LRP2: variants seen among roughly 807,000 people sequenced by gnomAD.
LRP2 encodes low-density lipoprotein receptor-related protein 2.
A neutral mutation model predicts 531.0 loss-of-function variants in LRP2; 172 were observed. The observed-to-expected ratio is 0.32, with a 90% confidence interval of 0.29 to 0.37. The LOEUF is 0.37. Among genes scored for constraint, LRP2 ranks in the 10% least tolerant of loss-of-function variants. The probability of loss-of-function intolerance (pLI) is 1.00; values close to 1 mark genes in which losing one functional copy is unlikely to be tolerated. For missense variants in LRP2, 5,167 were observed against 5,868.3 expected (o/e 0.88, Z 3.90); for synonymous variants, 1,992 against 2,027.6 (o/e 0.98, Z 0.47).
chr2:169,232,736 C>T (rs751697146), intron 30 of LRP2, among the ~76,000 whole-genome samples: 50 of 152,110 alleles, frequency 3.3e-4, no homozygotes, highest in Non-Finnish European at 4.3e-4. Context: ...GAAGAGCTAG[C>T]GCAGAAGCTG....
At chr2:169,345,745 G>A (rs1313900854) in intron 1 of LRP2, among the ~76,000 whole-genome samples, 2 of 128,542 alleles carry the variant, frequency 1.6e-5, no homozygotes, top group Non-Finnish European at 3.2e-5. Flanking sequence ...AAGGAAAAGA[G>A]GGGGCGGTCA....
chr2:169,177,486 T>C (rs905053454), intron 53 of LRP2, among the ~76,000 whole-genome samples: 1 of 152,070 alleles, frequency 6.6e-6, no homozygotes, highest in African/African-American at 2.4e-5. Flanking sequence ...ACTTCAGTCT[T>C]CCCATAGAAA....
intron 1 of LRP2, among the ~76,000 whole-genome samples, chr2:169,344,246 T>C (rs1685639915): frequency 6.6e-6 from 1 of 152,144 alleles, no homozygotes; most frequent in African/African-American, 2.4e-5. Flanking sequence ...ACTAGGTATT[T>C]CTCCTAATGC....
At chr2:169,166,310 T>A (rs1686782404) in intron 61 of LRP2, among the ~76,000 whole-genome samples, 1 of 152,198 alleles carries the variant, frequency 6.6e-6, no homozygotes, top group Non-Finnish European at 1.5e-5. Context: ...GAAACAGGCT[T>A]TTCAAATTAA....
intron 69 of LRP2, 78 bp from the exon 70 acceptor site, chr2:169,146,001 G>T: frequency 8.0e-7 from 1 of 1,254,218 alleles, no homozygotes; most frequent in Non-Finnish European, 1.2e-6. Context: ...GCCACTTCTA[G>T]ATCTGATGTC....
In LRP2 at chr2:169,140,521, G is replaced by T. The variant is rs746070288; in HGVS notation, c.13133C>A (p.Pro4378His). ...TCCGTGCATGCACCTGCATGGGGGGGGCAGGTTGATAGGCAGTTCGATGGC... is the reference window on the plus strand; with the variant it reads ...TCCGTGCATGCACCTGCATGGGGGGTGCAGGTTGATAGGCAGTTCGATGGC... ...DAAIELPINL[P>H]PPCRCMHGGN... is the part of the protein sequence containing the mutation. The change falls in exon 72 of 79, where the codon CCC becomes CAC. Residue 4378 changes from proline to histidine, a missense_variant. By Grantham distance (77) the Pro-to-His change is moderately conservative. Around this residue, in one of 6 missense-constraint regions of LRP2, gnomAD observed 348 missense variants for 369.3 expected, o/e 0.94. Transcript: ENST00000649046. The T allele has an allele frequency of 1.1e-5, 17 of 1,613,840 alleles. No homozygotes were observed. The highest frequency in any genetic ancestry group is 2.7e-5 in the African/African-American group (2 of 74,900).
intron 1 of LRP2, among the ~76,000 whole-genome samples, chr2:169,323,416 A>G (rs1247461051): frequency 6.6e-6 from 1 of 152,220 alleles, no homozygotes; most frequent in Non-Finnish European, 1.5e-5. Flanking sequence ...TCTCTCATAA[A>G]GGGAATATGT....
At chr2:169,256,547 G>C (rs563603446) in intron 18 of LRP2, among the ~76,000 whole-genome samples, 2 of 152,052 alleles carry the variant, frequency 1.3e-5, no homozygotes, top group African/African-American at 4.8e-5. Context: ...ATGTTTAAAA[G>C]GTGAAATATA....
At chr2:169,319,976 C>T (rs997949065) in intron 2 of LRP2, among the ~76,000 whole-genome samples, 1 of 152,170 alleles carries the variant, frequency 6.6e-6, no homozygotes, top group Non-Finnish European at 1.5e-5. Context: ...AAATTTTTCA[C>T]CTGCTTTCCT....
chr2:169,186,190 A>G (rs977455100), intron 49 of LRP2, among the ~76,000 whole-genome samples, 171 bp from the exon 50 acceptor site: 4 of 152,164 alleles, frequency 2.6e-5, no homozygotes, highest in African/African-American at 9.7e-5. Context: ...CTATTTTTCA[A>G]CTTCCTCACC....
At chr2:169,148,297 T>A (rs906371452) in intron 68 of LRP2, among the ~76,000 whole-genome samples, 1 of 152,198 alleles carries the variant, frequency 6.6e-6, no homozygotes, top group African/African-American at 2.4e-5. Flanking sequence ...GATTAGCAGG[T>A]ACTGAGGGCA....
chr2:169,168,262 CT>C (rs1686861905), intron 61 of LRP2, among the ~76,000 whole-genome samples: 1 of 151,590 alleles, frequency 6.6e-6, no homozygotes, highest in Non-Finnish European at 1.5e-5. Context: ...ACAGACCTGC[CT>C]TTATTTATGC....
intron 63 of LRP2, among the ~76,000 whole-genome samples, chr2:169,160,969 C>T (rs1378199998): frequency 6.6e-6 from 1 of 152,178 alleles, no homozygotes; most frequent in East Asian, 1.9e-4. Flanking sequence ...ATAGAAAATC[C>T]TTTGGATGCC....
rs1443443498 is a variant in LRP2 at position 169,185,487 on chromosome 2, A to G, written c.9845+16T>C. 1 of 1,612,250 alleles carries G rather than the reference A, an allele frequency of 6.2e-7. No individual in the cohort carries two copies. The highest frequency in any genetic ancestry group is 1.7e-5 in the Admixed American group (1 of 60,002). On this transcript the variant is annotated intron_variant, in intron 50 of 78. Coordinates refer to ENST00000649046, the MANE Select transcript of LRP2 (RefSeq NM_004525.3). ...TTAATTTTTAACTTTTAAAAAGCTC[A>G]TCAGTGTTTTCTTACCTGGAAACCC...
chr2:169,267,452 C>T (rs1238316825), intron 16 of LRP2, among the ~76,000 whole-genome samples: 1 of 152,170 alleles, frequency 6.6e-6, no homozygotes, highest in African/African-American at 2.4e-5. Flanking sequence ...TCCAGAAACT[C>T]ACTCAAAACC....
At chr2:169,220,302 T>A (rs887897010) in intron 34 of LRP2, 152 bp downstream of exon 34, 1 of 691,886 alleles carries the variant, frequency 1.4e-6, no homozygotes, top group Non-Finnish European at 2.6e-6. Flanking sequence ...AGGTCAGAGC[T>A]ATTTCTCTTT....
chr2:169,137,604 A>T, intron 75 of LRP2, 111 bp from the exon 76 acceptor site: 46 of 515,888 alleles, frequency 8.9e-5, no homozygotes, highest in East Asian at 1.5e-4. Context: ...TCACACCTGG[A>T]GGTACGCTAG....
In LRP2 at chr2:169,247,015, G is replaced by T. The variant is rs376508128; in HGVS notation, c.2909-29C>A. ...CAAAAGCAAAGCCCCGAGGGAGTCA[G>T]TCATGTACATTTTCACTAGGTAGGT... On this transcript the variant is annotated intron_variant, in intron 20 of 78. Transcript: ENST00000649046. 85 of 1,612,396 alleles carry T rather than the reference G, an allele frequency of 5.3e-5. No individual in the cohort carries two copies. The African/African-American group carries it at 1.0e-3, about 19-fold the overall frequency.
At chr2:169,204,400 T>C (rs952859119) in intron 41 of LRP2, 129 bp from the exon 42 acceptor site, 5 of 850,104 alleles carry the variant, frequency 5.9e-6, no homozygotes, top group Middle Eastern at 3.3e-4. Flanking sequence ...ATGGGGCATA[T>C]GGCAGCTGGA....
Sources: gnomAD v4.1 joint callset for allele counts (sites outside exome capture counted in the v4.1 genomes callset) on GRCh38, gnomAD v4.1.1 for gene constraint, gnomAD v4.1.1 regional missense constraint, MANE v1.5 for transcripts, NCBI Gene and HGNC (gene_info 2026-07-23, HGNC 2026-07-21) for gene names.